DCC: variants seen among roughly 807,000 people sequenced by gnomAD.
DCC encodes the protein netrin receptor DCC.
A neutral mutation model predicts 172.5 loss-of-function variants in DCC; 58 were observed. That is an observed-to-expected ratio of 0.34 (90% CI 0.27 to 0.42). The LOEUF (loss-of-function observed/expected upper bound fraction) is 0.42. Ranked by LOEUF, DCC falls within the 10% of genes least tolerant of loss-of-function variation. DCC has a pLI of 1.00. For missense variants in DCC, 1,740 were observed against 1,791.0 expected (o/e 0.97, Z 0.51); for synonymous variants, 709 against 644.5 (o/e 1.10, Z -1.52).
intron 5 of DCC, among the ~76,000 whole-genome samples, chr18:53,035,867 C>T (rs1311913726): frequency 6.6e-6 from 1 of 150,686 alleles, no homozygotes; most frequent in Non-Finnish European, 1.5e-5. Context: ...ATACACACTT[C>T]CATACATATT....
chr18:52,581,213 T>TATCTATCTATCTATCTA (rs2033543420), intron 1 of DCC, among the ~76,000 whole-genome samples: 1 of 1,546 alleles, frequency 6.5e-4, no homozygotes, highest in Non-Finnish European at 5.1e-3. Context: ...CTATCTAAAT[T>TATCTATCTATCTATCTA]TGTAGTTTCT....
chr18:53,407,661 T>C (rs1909754641), intron 19 of DCC, among the ~76,000 whole-genome samples: 1 of 150,366 alleles, frequency 6.7e-6, no homozygotes, highest in Non-Finnish European at 1.5e-5. Flanking sequence ...TTATCTTAGA[T>C]ATATTACATA....
intron 23 of DCC, among the ~76,000 whole-genome samples, chr18:53,452,923 G>GTTTGTTTT (rs1332294001): frequency 6.6e-6 from 1 of 150,922 alleles, no homozygotes; most frequent in Non-Finnish European, 1.5e-5. Context: ...TTGTTTGTTT[G>GTTTGTTTT]TTTGTTTTTT....
At chr18:52,915,728 C>T in intron 3 of DCC, among the ~76,000 whole-genome samples, 1 of 151,068 alleles carries the variant, frequency 6.6e-6, no homozygotes, top group Admixed American at 6.6e-5. Flanking sequence ...ATAAGAGGGG[C>T]AAGAGAGGCA....
chr18:53,039,898 T>G (rs2042145815), intron 5 of DCC, among the ~76,000 whole-genome samples: 1 of 152,018 alleles, frequency 6.6e-6, no homozygotes, highest in African/African-American at 2.4e-5. Flanking sequence ...TACTGGAATG[T>G]CCATTCCTTG....
At chr18:52,751,208 G>A (rs2036988950) in intron 1 of DCC, among the ~76,000 whole-genome samples, 1 of 152,170 alleles carries the variant, frequency 6.6e-6, no homozygotes, top group Non-Finnish European at 1.5e-5. Context: ...AAATGGTGGA[G>A]CCAATGACCT....
chr18:53,277,448 T>A (rs965738902), intron 12 of DCC, among the ~76,000 whole-genome samples: 4 of 152,162 alleles, frequency 2.6e-5, no homozygotes, highest in Non-Finnish European at 4.4e-5. Flanking sequence ...GCACTTTCAA[T>A]GTTACTACTG....
At chr18:52,724,786 T>G (rs191381899) in intron 1 of DCC, among the ~76,000 whole-genome samples, 33 of 152,294 alleles carry the variant, frequency 2.2e-4, no homozygotes, top group Non-Finnish European at 3.1e-4. Flanking sequence ...TCAGCACAGG[T>G]AAACCAGCAC....
At chr18:52,374,458 G>A (rs1985261192) in intron 1 of DCC, among the ~76,000 whole-genome samples, 1 of 151,896 alleles carries the variant, frequency 6.6e-6, no homozygotes, top group Non-Finnish European at 1.5e-5. Flanking sequence ...GAAGGAACTA[G>A]GTACTGATGA....
At chr18:53,155,098 T>A (rs893387430) in intron 7 of DCC, among the ~76,000 whole-genome samples, 10 of 144,428 alleles carry the variant, frequency 6.9e-5, no homozygotes, top group African/African-American at 2.1e-4. Flanking sequence ...TTTGAATACT[T>A]TTTTTTTTTT....
intron 5 of DCC, among the ~76,000 whole-genome samples, chr18:52,930,059 A>G (rs994884905): frequency 6.6e-6 from 1 of 151,314 alleles, no homozygotes; most frequent in Non-Finnish European, 1.5e-5. Context: ...ATGATCCTCC[A>G]TTCTCAGCCT....
chr18:53,246,235 T>G (rs770752522), intron 12 of DCC, among the ~76,000 whole-genome samples: 2 of 152,064 alleles, frequency 1.3e-5, no homozygotes, highest in Admixed American at 6.6e-5. Context: ...TAAAATCTAA[T>G]CTATTTATAT....
At chr18:52,883,406 T>C (rs1278908101) in intron 2 of DCC, among the ~76,000 whole-genome samples, 9 of 150,462 alleles carry the variant, frequency 6.0e-5, no homozygotes, top group Non-Finnish European at 8.9e-5. Flanking sequence ...TCTCTTTCTG[T>C]CTTCCTTTTA....
chr18:53,287,447 A>G (rs117442443), intron 12 of DCC, among the ~76,000 whole-genome samples: 1 of 152,310 alleles, frequency 6.6e-6, no homozygotes, highest in East Asian at 1.9e-4. Flanking sequence ...TGCTATGAAC[A>G]TTTGTAAATA....
intron 12 of DCC, among the ~76,000 whole-genome samples, chr18:53,255,702 T>A (rs2056500993): frequency 6.6e-6 from 1 of 151,984 alleles, no homozygotes; most frequent in Admixed American, 6.6e-5. Context: ...TAGCAGCATG[T>A]TTTATATTCC....
chr18:52,550,939 A>T (rs2032753291), intron 1 of DCC, among the ~76,000 whole-genome samples: 1 of 151,808 alleles, frequency 6.6e-6, no homozygotes, highest in Non-Finnish European at 1.5e-5. Context: ...TACTATTTTT[A>T]AAAGTTTATT....
chr18:52,873,991 T>C (rs2039361993), intron 2 of DCC, among the ~76,000 whole-genome samples: 1 of 152,220 alleles, frequency 6.6e-6, no homozygotes, highest in Non-Finnish European at 1.5e-5. Context: ...TTACCCAGGC[T>C]TCATTCTACT....
chr18:53,215,411 A>G, intron 11 of DCC, 137 bp from the exon 12 acceptor site: 1 of 743,592 alleles, frequency 1.3e-6, no homozygotes, highest in Non-Finnish European at 2.4e-6. Context: ...AAATTTTTGA[A>G]GTACTACCTG....
intron 12 of DCC, among the ~76,000 whole-genome samples, chr18:53,296,470 G>A (rs557176258): frequency 6.6e-6 from 1 of 152,174 alleles, no homozygotes; most frequent in African/African-American, 2.4e-5. Context: ...CTGCTGATGA[G>A]AAAACTCAGT....
Sources: allele counts gnomAD v4.1 joint callset (sites outside exome capture counted in the v4.1 genomes callset), GRCh38; gene constraint gnomAD v4.1.1; transcripts MANE v1.5; gene names NCBI Gene and HGNC (gene_info 2026-07-23, HGNC 2026-07-21).